The following GSK3B variants were observed in gnomAD, a reference collection of about 807,000 sequenced individuals.
GSK3B encodes glycogen synthase kinase-3 beta.
Under a neutral mutation model 56.4 loss-of-function variants are expected in GSK3B, and 15 were observed. The ratio of observed to expected loss-of-function variants is 0.27; its 90% CI spans 0.18 to 0.41. The LOEUF is 0.41. GSK3B is among the 10% of genes least tolerant of loss of function. The probability of loss-of-function intolerance (pLI) is 1.00; values close to 1 mark genes in which losing one functional copy is unlikely to be tolerated. For synonymous variants in GSK3B, 181 were observed against 188.9 expected, an observed-to-expected ratio of 0.96 and a Z score of 0.34; for missense variants, 300 against 513.4, an observed-to-expected ratio of 0.58 and a Z score of 4.02.
intron 1 of GSK3B, among the ~76,000 whole-genome samples, chr3:120,037,589 A>G (rs1414367268): frequency 2.6e-5 from 4 of 152,204 alleles, no homozygotes; most frequent in African/African-American, 7.2e-5. Flanking sequence ...AGACTGGGTG[A>G]CAGGGAGAGA....
intron 9 of GSK3B, among the ~76,000 whole-genome samples, chr3:119,861,913 CA>C (rs1392828444): frequency 6.6e-6 from 1 of 152,090 alleles, no homozygotes; most frequent in Non-Finnish European, 1.5e-5. Flanking sequence ...CTGATACTCA[CA>C]GAATCACATA....
intron 1 of GSK3B, among the ~76,000 whole-genome samples, chr3:120,015,688 T>C (rs1185169732): frequency 1.3e-5 from 2 of 148,196 alleles, no homozygotes; most frequent in Non-Finnish European, 3.0e-5. Flanking sequence ...AACTAGACAT[T>C]ATTGGAATCA....
intron 1 of GSK3B, among the ~76,000 whole-genome samples, chr3:120,067,599 A>G (rs770924432): frequency 2.1e-4 from 32 of 152,214 alleles, no homozygotes; most frequent in Admixed American, 7.8e-4. Flanking sequence ...TCAAAAAATC[A>G]TAAGTTGAAC....
intron 1 of GSK3B, among the ~76,000 whole-genome samples, chr3:120,053,522 G>A (rs2058168061): frequency 6.6e-6 from 1 of 152,122 alleles, no homozygotes; most frequent in Middle Eastern, 3.2e-3. Flanking sequence ...ACTATTGCTA[G>A]GACCAACCAC....
In GSK3B at chr3:120,068,830, C is replaced by G. The variant is rs143103075; in HGVS notation, c.88+24517G>C. On this transcript the variant is annotated intron_variant, in intron 1 of 10. Transcript: ENST00000264235. ...ATATACAGTGGTTTATTAAACTAGT[C>G]TATCTAGTATTATATAATTGAAAAC... 1.7e-4 allele frequency among the ~76,000 whole-genome samples: 26 copies of G among 151,358 alleles called. No homozygotes were observed. In the East Asian group the frequency reaches 5.0e-3, roughly 29 times the overall value.
At chr3:119,940,776 A>G (rs79419866) in intron 3 of GSK3B, among the ~76,000 whole-genome samples, 3,932 of 152,198 alleles carry the variant, frequency 0.026, 171 homozygotes, top group African/African-American at 0.089. Context: ...CACAATCTTT[A>G]TTTTAGAAGA....
At chr3:119,872,095 C>T (rs924625254) in intron 8 of GSK3B, among the ~76,000 whole-genome samples, 1 of 152,074 alleles carries the variant, frequency 6.6e-6, no homozygotes, top group African/African-American at 2.4e-5. Flanking sequence ...GCACCTCATA[C>T]ACCTACTATG....
chr3:120,058,334 AT>A (rs1220590910), intron 1 of GSK3B, among the ~76,000 whole-genome samples: 1 of 152,122 alleles, frequency 6.6e-6, no homozygotes, highest in Non-Finnish European at 1.5e-5. Flanking sequence ...TTATTAATGA[AT>A]TTTTCCCCTC....
intron 1 of GSK3B, among the ~76,000 whole-genome samples, chr3:120,065,138 A>C (rs1253493685): frequency 6.6e-6 from 1 of 152,190 alleles, no homozygotes; most frequent in African/African-American, 2.4e-5. Flanking sequence ...CTTCATCTAA[A>C]TTTAAAACTT....
In GSK3B at chr3:119,955,748, G is replaced by A. The variant is rs2057207692; in HGVS notation, c.283-8397C>T. Among the ~76,000 whole-genome samples the A allele has an allele frequency of 2.0e-5, 3 of 152,174 alleles. No individual in the cohort carries two copies. In the South Asian group the frequency reaches 6.2e-4, roughly 32 times the overall value. ...AAATCACTGCAACCTCCGCCTCCTG[G>A]GTTCAAGCGATTCTCCTGCCTCACC... On this transcript the variant is annotated intron_variant, in intron 2 of 10. Transcript: ENST00000264235.
At chr3:119,969,729 G>A (rs2057348946) in intron 2 of GSK3B, among the ~76,000 whole-genome samples, 1 of 152,202 alleles carries the variant, frequency 6.6e-6, no homozygotes, top group African/African-American at 2.4e-5. Context: ...TTTCAATGGA[G>A]AAAGGATAGT....
At chr3:120,042,521 A>C (rs573347001) in intron 1 of GSK3B, among the ~76,000 whole-genome samples, 2 of 152,228 alleles carry the variant, frequency 1.3e-5, no homozygotes, top group African/African-American at 4.8e-5. Flanking sequence ...AGACCATTCC[A>C]AAGTACCCAA....
At position 120,093,557 on chromosome 3, in the gene GSK3B, A is replaced by C. The variant is rs2058533030; in HGVS notation, c.-123T>G. ...GTTCTCCCACAGAAGAAAAAGAAAA[A>C]GACTTCGTCCTCTTGGCTTTTCACT... On this transcript the variant is annotated 5_prime_UTR_variant, in exon 1 of 11. Coordinates refer to ENST00000264235, the MANE Select transcript of GSK3B (RefSeq NM_001146156.2). 3 of 656,092 alleles carry C rather than the reference A, an allele frequency of 4.6e-6. No homozygotes were observed. The highest frequency in any genetic ancestry group is 8.2e-6 in the Non-Finnish European group (3 of 367,650). 40.6% of individuals were successfully genotyped at this position (656,092 alleles called of 1,614,324 possible).
At chr3:120,004,361 G>C (rs2057706910) in intron 1 of GSK3B, among the ~76,000 whole-genome samples, 1 of 152,224 alleles carries the variant, frequency 6.6e-6, no homozygotes, top group Non-Finnish European at 1.5e-5. Context: ...AAAGGCAGCA[G>C]ACAGCTTCTG....
At chr3:120,053,139 C>T (rs972418713) in intron 1 of GSK3B, among the ~76,000 whole-genome samples, 3 of 152,132 alleles carry the variant, frequency 2.0e-5, no homozygotes, top group Admixed American at 1.3e-4. Context: ...GAGTTCGAGA[C>T]CAGCCTGGCC....
intron 1 of GSK3B, among the ~76,000 whole-genome samples, chr3:120,054,821 A>G (rs2058179931): frequency 6.6e-6 from 1 of 152,202 alleles, no homozygotes; most frequent in Non-Finnish European, 1.5e-5. Flanking sequence ...TTGGAAAACA[A>G]TAACACAGTG....
intron 7 of GSK3B, among the ~76,000 whole-genome samples, chr3:119,899,510 C>A (rs2056604742): frequency 6.6e-6 from 1 of 152,086 alleles, no homozygotes; most frequent in South Asian, 2.1e-4. Flanking sequence ...TTATGATGAG[C>A]AGTCATTTCC....
intron 2 of GSK3B, among the ~76,000 whole-genome samples, chr3:119,969,756 G>C (rs879622578): frequency 1.6e-4 from 24 of 152,212 alleles, no homozygotes; most frequent in Non-Finnish European, 3.4e-4. Context: ...AACAAGTAGA[G>C]TAGTCTAAAC....
At chr3:119,885,927 A>C (rs1261122019) in intron 7 of GSK3B, among the ~76,000 whole-genome samples, 1 of 152,100 alleles carries the variant, frequency 6.6e-6, no homozygotes, top group Non-Finnish European at 1.5e-5. Context: ...TAAATATAAG[A>C]CCTCAAACTA....
Sources: allele counts gnomAD v4.1 joint callset (sites outside exome capture counted in the v4.1 genomes callset), GRCh38; gene constraint gnomAD v4.1.1; transcripts MANE v1.5; gene names NCBI Gene and HGNC (gene_info 2026-07-23, HGNC 2026-07-21).